The following KDM4B variants were observed in gnomAD, a reference collection of about 807,000 sequenced individuals.
KDM4B encodes lysine-specific demethylase 4B.
In KDM4B, 32 loss-of-function variants were observed where a neutral mutation model predicts 125.2. That is an observed-to-expected ratio of 0.26 (90% CI 0.19 to 0.34). The LOEUF is 0.34. KDM4B is among the 10% of genes least tolerant of loss of function. KDM4B has a pLI of 1.00. For missense variants in KDM4B, 1,190 were observed against 1,577.7 expected (o/e 0.75, Z 4.16); for synonymous variants, 721 against 677.9 (o/e 1.06, Z -0.99).
In KDM4B at chr19:5,048,576, C is replaced by A. The variant is rs370814546; in HGVS notation, c.626+907C>A. On this transcript the variant is annotated intron_variant, in intron 6 of 22. Transcript: ENST00000159111. ...GGAGCTCCGCCTTGCCTGGCCCTTC[C>A]CTGGGTTGGAGTTGTAAGCGGGGAG... Among the ~76,000 whole-genome samples, 864 of 151,742 alleles carry A rather than the reference C, an allele frequency of 5.7e-3. 10 individuals are homozygous for A. Among genetic ancestry groups the A allele is most frequent in the African/African-American group, 0.02 (816 of 41,348 alleles).
At chr19:4,981,910 G>C (rs1048375894) in intron 1 of KDM4B, among the ~76,000 whole-genome samples, 2 of 152,222 alleles carry the variant, frequency 1.3e-5, no homozygotes, top group African/African-American at 4.8e-5. Context: ...GTGTCATGTG[G>C]TGAAGGTGGA....
At chr19:5,075,663 C>T (rs2038082564) in intron 7 of KDM4B, 1 of 152,202 alleles carries the variant, frequency 6.6e-6, no homozygotes, top group Non-Finnish European at 1.5e-5. Flanking sequence ...GTGCCTGTTT[C>T]CCAGGCGCTG....
chr19:5,085,911 G>C (rs1332760872), intron 9 of KDM4B, among the ~76,000 whole-genome samples: 2 of 152,238 alleles, frequency 1.3e-5, no homozygotes, highest in Non-Finnish European at 2.9e-5. Flanking sequence ...AGATGACAGA[G>C]GAGTGTTAGA....
intron 21 of KDM4B, among the ~76,000 whole-genome samples, chr19:5,149,929 C>T (rs1225572747): frequency 2.0e-5 from 3 of 152,242 alleles, no homozygotes; most frequent in South Asian, 2.1e-4. Context: ...CCCCTGAGTC[C>T]GCCTGTCCGG....
intron 9 of KDM4B, among the ~76,000 whole-genome samples, chr19:5,106,304 G>C (rs1462864155): frequency 2.6e-5 from 4 of 152,194 alleles, no homozygotes; most frequent in East Asian, 1.9e-4. Context: ...CAGTACAAAA[G>C]CAAAGGACAT....
At chr19:5,013,296 G>A (rs942436653) in intron 1 of KDM4B, among the ~76,000 whole-genome samples, 2 of 152,174 alleles carry the variant, frequency 1.3e-5, no homozygotes, top group African/African-American at 4.8e-5. Flanking sequence ...CCAGGATCCC[G>A]TGGGGACCTG....
At chr19:5,031,739 G>A (rs2145614355) in intron 2 of KDM4B, among the ~76,000 whole-genome samples, 1 of 152,308 alleles carries the variant, frequency 6.6e-6, no homozygotes, top group African/African-American at 2.4e-5. Flanking sequence ...CCTAGCTGGG[G>A]CCTCCCTGCC....
intron 9 of KDM4B, among the ~76,000 whole-genome samples, chr19:5,099,680 C>G (rs745974033): frequency 2.6e-5 from 4 of 152,200 alleles, no homozygotes; most frequent in Non-Finnish European, 5.9e-5. Context: ...TGAGACTTTT[C>G]TCATTTGAAA....
At chr19:5,105,492 G>T (rs887773293) in intron 9 of KDM4B, among the ~76,000 whole-genome samples, 1 of 152,348 alleles carries the variant, frequency 6.6e-6, no homozygotes, top group Admixed American at 6.5e-5. Context: ...GAGTGCTGTG[G>T]CATGATCACA....
chr19:5,118,595 C>G (rs1435269382), intron 10 of KDM4B, among the ~76,000 whole-genome samples: 2 of 152,214 alleles, frequency 1.3e-5, no homozygotes, highest in African/African-American at 2.4e-5. Context: ...GAACCACCCC[C>G]TCCGCATCTC....
chr19:5,004,010 G>A (rs555060339), intron 1 of KDM4B, among the ~76,000 whole-genome samples: 83 of 152,260 alleles, frequency 5.5e-4, no homozygotes, highest in Admixed American at 1.6e-3. Context: ...CCCTCTGCGC[G>A]TCCTGTTTCG....
chr19:4,977,067 C>T (rs2034472234), intron 1 of KDM4B, among the ~76,000 whole-genome samples: 1 of 151,840 alleles, frequency 6.6e-6, no homozygotes, highest in Non-Finnish European at 1.5e-5. Context: ...CTTGCCCCCT[C>T]TCTCTCCCTG....
At chr19:4,975,978 G>T (rs1209960947) in intron 1 of KDM4B, among the ~76,000 whole-genome samples, 1 of 151,430 alleles carries the variant, frequency 6.6e-6, no homozygotes, top group Non-Finnish European at 1.5e-5. Flanking sequence ...GGCCGGGTGC[G>T]GTGGCTCACG....
intron 14 of KDM4B, among the ~76,000 whole-genome samples, chr19:5,134,418 G>A (rs557477905): frequency 2.6e-5 from 4 of 152,256 alleles, no homozygotes; most frequent in African/African-American, 4.8e-5. Flanking sequence ...CTGGGTGGCC[G>A]GGCGGGGCTC....
intron 9 of KDM4B, among the ~76,000 whole-genome samples, chr19:5,087,563 T>TG (rs540636302): frequency 4.0e-3 from 607 of 152,288 alleles, no homozygotes; most frequent in Non-Finnish European, 6.8e-3. Context: ...CATCTCTTTC[T>TG]GGGGGGTGGG....
intron 7 of KDM4B, among the ~76,000 whole-genome samples, chr19:5,071,654 A>G (rs1235142225): frequency 1.3e-5 from 2 of 152,302 alleles, no homozygotes; most frequent in East Asian, 3.9e-4. Flanking sequence ...TGCCTGAGGG[A>G]GTGCCAGATC....
chr19:5,014,571 G>A (rs1266510543), intron 1 of KDM4B, among the ~76,000 whole-genome samples: 1 of 152,022 alleles, frequency 6.6e-6, no homozygotes, highest in Non-Finnish European at 1.5e-5. Context: ...CACCGCGCCT[G>A]GCCTAAGTTT....
intron 1 of KDM4B, among the ~76,000 whole-genome samples, chr19:4,982,858 G>A (rs1428231133): frequency 6.6e-6 from 1 of 152,158 alleles, no homozygotes; most frequent in East Asian, 1.9e-4. Flanking sequence ...TGATCTGCCT[G>A]CCTTGGCCTC....
chr19:5,011,428 G>A (rs1167211287), intron 1 of KDM4B, among the ~76,000 whole-genome samples: 3 of 152,190 alleles, frequency 2.0e-5, no homozygotes, highest in Non-Finnish European at 4.4e-5. Context: ...CGTTCATGTC[G>A]TGGGCCCATC....
Sources: allele counts gnomAD v4.1 joint callset (sites outside exome capture counted in the v4.1 genomes callset), GRCh38; gene constraint gnomAD v4.1.1; transcripts MANE v1.5; gene names NCBI Gene and HGNC (gene_info 2026-07-23, HGNC 2026-07-21).